Variants in KCNQ5 observed in about 807,000 individuals in gnomAD.
KCNQ5 encodes potassium voltage-gated channel subfamily Q member 5.
A neutral mutation model predicts 98.2 loss-of-function variants in KCNQ5; 30 were observed. The ratio of observed to expected loss-of-function variants is 0.31; its 90% CI spans 0.23 to 0.41. The LOEUF (loss-of-function observed/expected upper bound fraction) is 0.41. KCNQ5 is among the 10% of genes least tolerant of loss of function. The pLI is 1.00. For synonymous variants in KCNQ5, 458 were observed against 449.4 expected (o/e 1.02, Z -0.24); for missense variants, 835 against 1,182.5 (o/e 0.71, Z 4.31).
rs202017289 is a variant in KCNQ5 at position 73,194,484 on chromosome 6, A to T, written c.1869A>T (p.Leu623=). 23 of 1,614,108 alleles carry T rather than the reference A, an allele frequency of 1.4e-5. No homozygotes were observed. The highest frequency in any genetic ancestry group is 1.8e-5 in the Non-Finnish European group (21 of 1,179,922). Residue 623 remains leucine, a synonymous_variant, in exon 14 of 14, where the codon CTA becomes CTT. Transcript: ENST00000370398. The part of the protein sequence containing the change: ...VQSIESKLDC[L]LDIYQQVLRK... Reference sequence around the variant, plus strand: ...CCATAGAATCCAAGCTGGACTGCCTACTAGACATCTATCAACAGGTCCTTC... The same window carrying T: ...CCATAGAATCCAAGCTGGACTGCCTTCTAGACATCTATCAACAGGTCCTTC...
chr6:73,148,082 G>T (rs1370828834), intron 10 of KCNQ5, among the ~76,000 whole-genome samples: 1 of 152,018 alleles, frequency 6.6e-6, no homozygotes, highest in Admixed American at 6.6e-5. Flanking sequence ...TTCACCTTAT[G>T]GGCAGTTACT....
At chr6:72,879,586 T>C (rs1778562761) in intron 1 of KCNQ5, among the ~76,000 whole-genome samples, 1 of 152,306 alleles carries the variant, frequency 6.6e-6, no homozygotes, top group East Asian at 1.9e-4. Flanking sequence ...TAGAGACGTA[T>C]GTGTCTACAT....
intron 11 of KCNQ5, among the ~76,000 whole-genome samples, chr6:73,170,190 C>T (rs935163604): frequency 2.0e-5 from 3 of 152,016 alleles, no homozygotes; most frequent in African/African-American, 7.3e-5. Flanking sequence ...ATGACTTGCT[C>T]CAATCTGTAT....
At chr6:72,868,168 A>G (rs1208588529) in intron 1 of KCNQ5, among the ~76,000 whole-genome samples, 1 of 152,108 alleles carries the variant, frequency 6.6e-6, no homozygotes, top group African/African-American at 2.4e-5. Context: ...CCATGCTCCT[A>G]TGGCCAAGCA....
chr6:73,180,392 T>G (rs1319251617), intron 11 of KCNQ5, among the ~76,000 whole-genome samples: 9 of 152,236 alleles, frequency 5.9e-5, no homozygotes, highest in Admixed American at 5.9e-4. Context: ...ATGGAACTTC[T>G]TAACTACTTC....
chr6:72,694,879 A>T (rs568219624), intron 1 of KCNQ5, among the ~76,000 whole-genome samples: 1 of 152,150 alleles, frequency 6.6e-6, no homozygotes, highest in African/African-American at 2.4e-5. Flanking sequence ...TTAGTTCCCT[A>T]TGACTGTTGA....
At chr6:72,679,792 C>T (rs542975030) in intron 1 of KCNQ5, among the ~76,000 whole-genome samples, 9 of 152,292 alleles carry the variant, frequency 5.9e-5, no homozygotes, top group African/African-American at 2.2e-4. Flanking sequence ...GTAATCCCCA[C>T]TTTGGGAGGC....
intron 2 of KCNQ5, among the ~76,000 whole-genome samples, chr6:73,011,769 A>C (rs1770071275): frequency 6.6e-6 from 1 of 152,106 alleles, no homozygotes; most frequent in African/African-American, 2.4e-5. Flanking sequence ...TCTGAAACTC[A>C]ACAACAAAAA....
chr6:73,005,582 C>A (rs1769775735), intron 2 of KCNQ5, among the ~76,000 whole-genome samples: 1 of 152,246 alleles, frequency 6.6e-6, no homozygotes, highest in African/African-American at 2.4e-5. Context: ...TCCAAAGAAA[C>A]CCATGTAATC....
intron 1 of KCNQ5, among the ~76,000 whole-genome samples, chr6:72,794,348 A>AG (rs200491485): frequency 2.7e-4 from 36 of 133,710 alleles, no homozygotes; most frequent in African/African-American, 1.1e-3. Flanking sequence ...GAGGAGAGAG[A>AG]AAAAAAAAAA....
chr6:73,125,060 ATC>A, intron 9 of KCNQ5, among the ~76,000 whole-genome samples: 1 of 53,596 alleles, frequency 1.9e-5, no homozygotes. Context: ...TATACATATA[ATC>A]TTTTTTTTTG....
At chr6:72,848,190 CAT>C (rs748924991) in intron 1 of KCNQ5, among the ~76,000 whole-genome samples, 73 of 147,866 alleles carry the variant, frequency 4.9e-4, no homozygotes, top group African/African-American at 1.5e-3. Flanking sequence ...TCAGGACAGC[CAT>C]TTTTTTTTTT....
intron 10 of KCNQ5, chr6:73,158,164 C>G: frequency 3.0e-6 from 1 of 338,458 alleles, no homozygotes; most frequent in Non-Finnish European, 5.7e-6. Context: ...GGCGGGGCGG[C>G]GGGAAGGGAA....
At chr6:72,819,245 G>A (rs1274127745) in intron 1 of KCNQ5, among the ~76,000 whole-genome samples, 1 of 152,080 alleles carries the variant, frequency 6.6e-6, no homozygotes, top group East Asian at 1.9e-4. Flanking sequence ...TGTGAGATAA[G>A]CACATCATGG....
At chr6:73,185,912 A>G (rs1435243384) in intron 11 of KCNQ5, among the ~76,000 whole-genome samples, 1 of 152,200 alleles carries the variant, frequency 6.6e-6, no homozygotes, top group Non-Finnish European at 1.5e-5. Context: ...ATCATTCTTT[A>G]TATAAATCAT....
Position 72,835,894 on chromosome 6 carries a change from A to G in KCNQ5, c.399-168014A>G, listed in dbSNP as rs568311602. Among the ~76,000 whole-genome samples the G allele has an allele frequency of 3.9e-5, 6 of 152,322 alleles. No individual in the cohort carries two copies. In the South Asian group the frequency reaches 1.0e-3, roughly 26 times the overall value. On this transcript the variant is annotated intron_variant, in intron 1 of 13. Transcript: ENST00000370398. ...ATTGTGTCTTCATAATGGAATGACT[A>G]TATAATAGTATATCACTGTGCTGCT...
intron 1 of KCNQ5, among the ~76,000 whole-genome samples, chr6:72,975,875 C>T (rs2150290301): frequency 6.6e-6 from 1 of 152,252 alleles, no homozygotes; most frequent in Admixed American, 6.5e-5. Flanking sequence ...GATGGGTCCT[C>T]TTGTATATAC....
At chr6:72,973,267 T>G (rs915096022) in intron 1 of KCNQ5, among the ~76,000 whole-genome samples, 2 of 151,024 alleles carry the variant, frequency 1.3e-5, no homozygotes, top group Non-Finnish European at 2.9e-5. Context: ...GATTTGGGAG[T>G]CATGGGAAAT....
At chr6:72,847,130 T>TA (rs535705367) in intron 1 of KCNQ5, among the ~76,000 whole-genome samples, 10 of 151,512 alleles carry the variant, frequency 6.6e-5, no homozygotes, top group South Asian at 2.1e-4. Context: ...TAAAATAAAT[T>TA]AAAAAAAAAT....
Sources: gnomAD v4.1 joint callset for allele counts (sites outside exome capture counted in the v4.1 genomes callset) on GRCh38, gnomAD v4.1.1 for gene constraint, MANE v1.5 for transcripts, NCBI Gene and HGNC (gene_info 2026-07-23, HGNC 2026-07-21) for gene names.